The following IL1RAPL2 variants were observed in gnomAD, a reference collection of about 807,000 sequenced individuals.
The protein encoded by IL1RAPL2 is interleukin 1 receptor accessory protein like 2, also known as X-linked interleukin-1 receptor accessory protein-like 2.
In IL1RAPL2, 3 loss-of-function variants were observed where a neutral mutation model predicts 44.1. The ratio of observed to expected loss-of-function variants is 0.07; its 90% CI spans 0.03 to 0.18. The LOEUF (loss-of-function observed/expected upper bound fraction) is 0.18, where lower values mean the gene tolerates loss of function less well. IL1RAPL2 is among the 10% of genes least tolerant of loss of function. The probability of loss-of-function intolerance (pLI) is 1.00; values close to 1 mark genes in which losing one functional copy is unlikely to be tolerated. For synonymous variants in IL1RAPL2, 181 were observed against 178.8 expected (o/e 1.01, Z -0.10); for missense variants, 391 against 496.4 (o/e 0.79, Z 2.02).
intron 6 of IL1RAPL2, among the ~76,000 whole-genome samples, chrX:105,689,531 C>A (rs1259091363): frequency 2.7e-5 from 3 of 111,862 alleles, no homozygotes; most frequent in Non-Finnish European, 5.6e-5. Flanking sequence ...CCATCTCACG[C>A]CAGTTAGAAT....
intron 2 of IL1RAPL2, among the ~76,000 whole-genome samples, chrX:104,894,159 A>T (rs891968264): frequency 1.6e-4 from 18 of 112,000 alleles, no homozygotes; most frequent in Non-Finnish European, 3.2e-4. Flanking sequence ...ATCCGCTATT[A>T]GTTTGATGGG....
intron 6 of IL1RAPL2, among the ~76,000 whole-genome samples, chrX:105,554,193 C>T (rs918714192): frequency 8.9e-6 from 1 of 112,730 alleles, no homozygotes; most frequent in Non-Finnish European, 1.9e-5. Context: ...CTCCACAGGA[C>T]AGTTTGTACT....
intron 5 of IL1RAPL2, among the ~76,000 whole-genome samples, chrX:105,274,249 TAGG>T (rs1333737110): frequency 8.9e-6 from 1 of 111,905 alleles, no homozygotes; most frequent in African/African-American, 3.2e-5. Context: ...TTAAGATCGT[TAGG>T]AGTAGGGCCA....
intron 5 of IL1RAPL2, among the ~76,000 whole-genome samples, chrX:105,310,788 C>G (rs938901268): frequency 4.5e-5 from 5 of 111,529 alleles, no homozygotes; most frequent in African/African-American, 1.6e-4. Flanking sequence ...TCATTTCTAA[C>G]TTAATTCCAC....
chrX:105,660,317 A>G (rs1263012604), intron 6 of IL1RAPL2, among the ~76,000 whole-genome samples: 4 of 111,449 alleles, frequency 3.6e-5, no homozygotes, highest in Admixed American at 1.9e-4. Flanking sequence ...ACTTTCCCAG[A>G]CAAACAAAAG....
At chrX:104,738,639 T>C (rs772519998) in intron 2 of IL1RAPL2, among the ~76,000 whole-genome samples, 1 of 111,477 alleles carries the variant, frequency 9.0e-6, no homozygotes, top group Non-Finnish European at 1.9e-5. Flanking sequence ...TATCTGGCTT[T>C]AACATCAAGA....
chrX:104,606,434 A>G (rs1406626943), intron 1 of IL1RAPL2, among the ~76,000 whole-genome samples: 2 of 111,454 alleles, frequency 1.8e-5, no homozygotes, highest in Admixed American at 9.6e-5. Flanking sequence ...CTCTCTCACC[A>G]CTCTTATTCA....
At chrX:105,438,317 A>T (rs1320669956) in intron 5 of IL1RAPL2, among the ~76,000 whole-genome samples, 1 of 111,644 alleles carries the variant, frequency 9.0e-6, no homozygotes, top group Admixed American at 9.6e-5. Context: ...TTGGCTAGAA[A>T]CAAGGGGATG....
At chrX:105,235,126 C>G (rs1303600716) in intron 4 of IL1RAPL2, among the ~76,000 whole-genome samples, 8 of 111,709 alleles carry the variant, frequency 7.2e-5, no homozygotes, top group African/African-American at 2.3e-4. Flanking sequence ...GAAACAGAAG[C>G]CAGGGGGCAG....
rs142879829 is a variant in IL1RAPL2, at chrX:105,568,997, T to G, written c.772+84610T>G. Among the ~76,000 whole-genome samples the G allele has an allele frequency of 3.0e-3, 334 of 111,371 alleles. 7 individuals are homozygous for G. Among genetic ancestry groups the G allele is most frequent in the Admixed American group, 0.027 (287 of 10,447 alleles). On this transcript the variant is annotated intron_variant, in intron 6 of 10. Coordinates refer to ENST00000372582, the MANE Select transcript of IL1RAPL2 (RefSeq NM_017416.2). Reference sequence around the variant, plus strand: ...TTTATTTTTTATGAAAGGTCAAATATCACACCATCTCAAGAAAGTAATGTG... The same window carrying G: ...TTTATTTTTTATGAAAGGTCAAATAGCACACCATCTCAAGAAAGTAATGTG...
At chrX:104,910,425 T>G (rs2147682755) in intron 2 of IL1RAPL2, among the ~76,000 whole-genome samples, 1 of 112,063 alleles carries the variant, frequency 8.9e-6, no homozygotes, top group Admixed American at 9.4e-5. Context: ...ATGTGCAGGT[T>G]TATTACATAG....
intron 2 of IL1RAPL2, among the ~76,000 whole-genome samples, chrX:105,085,432 C>T (rs1486231234): frequency 8.9e-6 from 1 of 111,966 alleles, no homozygotes; most frequent in African/African-American, 3.2e-5. Flanking sequence ...ATGCTCAACA[C>T]TGCTAATTAT....
intron 6 of IL1RAPL2, among the ~76,000 whole-genome samples, chrX:105,523,823 G>A (rs976976364): frequency 9.0e-6 from 1 of 110,656 alleles, no homozygotes; most frequent in Non-Finnish European, 1.9e-5. Context: ...TAATTGCCTC[G>A]AGATGGATAT....
At chrX:105,474,166 A>T (rs2147771791) in intron 5 of IL1RAPL2, among the ~76,000 whole-genome samples, 1 of 111,897 alleles carries the variant, frequency 8.9e-6, no homozygotes, top group African/African-American at 3.2e-5. Context: ...GTAGAAAAGA[A>T]AGAATAATAT....
chrX:104,838,375 ATTTG>A (rs1921799318), intron 2 of IL1RAPL2, among the ~76,000 whole-genome samples: 1 of 111,449 alleles, frequency 9.0e-6, no homozygotes. Flanking sequence ...ATGTTTTTCC[ATTTG>A]TTTGTGTCCT....
intron 2 of IL1RAPL2, among the ~76,000 whole-genome samples, chrX:104,789,471 TTAGTCTCTAGCTTATACAGTA>T (rs1932815201): frequency 8.9e-6 from 1 of 111,790 alleles, no homozygotes; most frequent in South Asian, 3.7e-4. Context: ...ATGGGATAAG[TTAGTCTCTAGCTTATACAGTA>T]TATGCATTTG....
intron 1 of IL1RAPL2, among the ~76,000 whole-genome samples, chrX:104,568,219 C>CA (rs1480514595): frequency 9.1e-6 from 1 of 110,010 alleles, no homozygotes; most frequent in Non-Finnish European, 1.9e-5. Context: ...TTTTCCTGGC[C>CA]AGGGGAATCA....
intron 2 of IL1RAPL2, among the ~76,000 whole-genome samples, chrX:104,749,617 G>T (rs1932225777): frequency 9.0e-6 from 1 of 111,400 alleles, no homozygotes; most frequent in East Asian, 2.9e-4. Context: ...AGTTAGAGTT[G>T]ACCATAAAAC....
intron 2 of IL1RAPL2, among the ~76,000 whole-genome samples, chrX:104,942,467 G>C (rs1047564894): frequency 9.0e-6 from 1 of 111,021 alleles, no homozygotes; most frequent in African/African-American, 3.3e-5. Flanking sequence ...AAGCAATTGT[G>C]AATGGGAGTT....
Sources: allele counts gnomAD v4.1 joint callset (sites outside exome capture counted in the v4.1 genomes callset), GRCh38; gene constraint gnomAD v4.1.1; transcripts MANE v1.5; gene names NCBI Gene and HGNC (gene_info 2026-07-23, HGNC 2026-07-21).